The following SYK variants were observed in gnomAD, a reference collection of about 807,000 sequenced individuals.
The protein encoded by SYK is tyrosine-protein kinase SYK.
Under a neutral mutation model 77.8 loss-of-function variants are expected in SYK, and 16 were observed. The observed-to-expected ratio is 0.21, with a 90% confidence interval of 0.14 to 0.31. SYK has a LOEUF of 0.31. SYK is among the 10% of genes least tolerant of loss of function. The probability of loss-of-function intolerance (pLI) is 1.00; values close to 1 mark genes in which losing one functional copy is unlikely to be tolerated. For synonymous variants in SYK, 312 were observed against 308.7 expected (o/e 1.01, Z -0.11); for missense variants, 529 against 814.4 (o/e 0.65, Z 4.26).
At chr9:90,848,811 T>C (rs116116614) in intron 3 of SYK, among the ~76,000 whole-genome samples, 2,551 of 152,286 alleles carry the variant, frequency 0.017, 70 homozygotes, top group African/African-American at 0.058. Flanking sequence ...CGCTGAACAA[T>C]AGGAAAGAAC....
At chr9:90,822,444 T>A (rs891219915) in intron 1 of SYK, among the ~76,000 whole-genome samples, 1 of 152,228 alleles carries the variant, frequency 6.6e-6, no homozygotes, top group Non-Finnish European at 1.5e-5. Flanking sequence ...TTAAACTTAG[T>A]AGCAAGCCCA....
intron 3 of SYK, among the ~76,000 whole-genome samples, chr9:90,860,818 T>C (rs1259639614): frequency 6.6e-6 from 1 of 152,150 alleles, no homozygotes; most frequent in Non-Finnish European, 1.5e-5. Context: ...CTGAAGGCCA[T>C]CTCAACTCTC....
chr9:90,835,915 T>C (rs1453779389), intron 1 of SYK, among the ~76,000 whole-genome samples: 1 of 152,250 alleles, frequency 6.6e-6, no homozygotes, highest in African/African-American at 2.4e-5. Flanking sequence ...GGATTTTTTT[T>C]CAACAAAAAT....
chr9:90,830,914 A>G (rs921216842), intron 1 of SYK, among the ~76,000 whole-genome samples: 4 of 152,094 alleles, frequency 2.6e-5, no homozygotes, highest in African/African-American at 9.7e-5. Context: ...TAACCCACAG[A>G]TGAAGTTTCC....
Position 90,877,601 on chromosome 9 carries a change from G to A in SYK, c.1212G>A (p.Leu404=). The change falls in exon 10 of 14, where the codon CTG becomes CTA. Residue 404 remains leucine, a synonymous_variant. Transcript: ENST00000375754. ...TGAAAACCGTGGCTGTGAAAATACT[G>A]AAAAACGAGGCCAATGACCCCGCTC... ...KVVKTVAVKI[L]KNEANDPALK... is the part of the protein sequence containing the mutation. 3 of 1,614,182 alleles carry A rather than the reference G, an allele frequency of 1.9e-6. No homozygotes were observed. The highest frequency in any genetic ancestry group is 2.5e-6 in the Non-Finnish European group (3 of 1,180,018).
At chr9:90,809,951 A>G (rs185922399) in intron 1 of SYK, among the ~76,000 whole-genome samples, 4 of 152,244 alleles carry the variant, frequency 2.6e-5, no homozygotes, top group Admixed American at 6.5e-5. Flanking sequence ...GATTTGGTCA[A>G]GGAAAGGCAG....
chr9:90,895,497 G>GATAA lies in SYK; in HGVS notation c.1836-30_1836-29insTAAA, dbSNP rs769231843. ...ATCAGCAATTTTTCACAAGCACATT[G>GATAA]ACAAACAAGAATGCATCTCTTCCAT... On this transcript the variant is annotated intron_variant, in intron 13 of 13. Coordinates refer to ENST00000375754, the MANE Select transcript of SYK (RefSeq NM_003177.7). This position sits in a 1 kb window ranked among gnomAD's most constrained non-coding sequence, Gnocchi z 4.4. The GATAA allele has an allele frequency of 7.4e-6, 12 of 1,612,728 alleles. No homozygotes were observed. In the East Asian group the frequency reaches 2.0e-4, roughly 27 times the overall value.
intron 3 of SYK, among the ~76,000 whole-genome samples, chr9:90,860,378 A>T (rs991000482): frequency 6.6e-6 from 1 of 152,236 alleles, no homozygotes; most frequent in Non-Finnish European, 1.5e-5. Context: ...TTTATAAGAT[A>T]CTTTCCCTAT....
chr9:90,802,916 G>A (rs1294027633), intron 1 of SYK, among the ~76,000 whole-genome samples: 4 of 151,288 alleles, frequency 2.6e-5, no homozygotes, highest in Non-Finnish European at 4.4e-5. Context: ...GGAAGAAATG[G>A]AATTGATTCT....
At chr9:90,875,539 C>G (rs1391202924) in intron 9 of SYK, among the ~76,000 whole-genome samples, 1 of 152,124 alleles carries the variant, frequency 6.6e-6, no homozygotes, top group Admixed American at 6.5e-5. Context: ...TTTGTACACA[C>G]AGATATTATT....
intron 3 of SYK, among the ~76,000 whole-genome samples, chr9:90,860,622 A>G (rs1215375461): frequency 1.3e-5 from 2 of 152,106 alleles, no homozygotes; most frequent in Non-Finnish European, 2.9e-5. Flanking sequence ...GAACCTAGAT[A>G]TGTGTCCTGT....
intron 1 of SYK, among the ~76,000 whole-genome samples, chr9:90,834,411 C>G (rs757258517): frequency 9.9e-5 from 15 of 152,180 alleles, no homozygotes; most frequent in Non-Finnish European, 2.1e-4. Flanking sequence ...TCCCCTTTCA[C>G]CAGTGAAGAA....
At chr9:90,870,106 CA>C (rs1032945199) in intron 7 of SYK, among the ~76,000 whole-genome samples, 2 of 150,794 alleles carry the variant, frequency 1.3e-5, no homozygotes, top group Non-Finnish European at 1.5e-5. Flanking sequence ...GTCTCAAAAA[CA>C]AAAAAAGAAA....
intron 7 of SYK, among the ~76,000 whole-genome samples, chr9:90,868,904 A>G (rs537284876): frequency 1.3e-5 from 2 of 152,362 alleles, no homozygotes; most frequent in East Asian, 1.9e-4. Context: ...TTAAATGCCT[A>G]TCAATGGAAA....
intron 3 of SYK, among the ~76,000 whole-genome samples, chr9:90,855,011 T>C (rs10993720): frequency 0.021 from 2,976 of 143,394 alleles, 97 homozygotes; most frequent in African/African-American, 0.065. Context: ...CACACATACA[T>C]ACACACACAC....
chr9:90,893,403 G>GT (rs1037761949), intron 13 of SYK, among the ~76,000 whole-genome samples: 1 of 152,014 alleles, frequency 6.6e-6, no homozygotes, highest in Admixed American at 6.6e-5. Flanking sequence ...GTTTTGCTTT[G>GT]TTTTTTCATT....
chr9:90,820,261 C>G (rs529973441), intron 1 of SYK, among the ~76,000 whole-genome samples: 78 of 152,298 alleles, frequency 5.1e-4, no homozygotes, highest in African/African-American at 1.7e-3. Flanking sequence ...GATGGTGACC[C>G]TCTACTCACG....
Position 90,895,592 on chromosome 9 carries a change from G to T in SYK, c.1900G>T (p.Val634Leu), listed in dbSNP as rs1217642138. 1 of 1,614,094 alleles carries T rather than the reference G, an allele frequency of 6.2e-7. No individual in the cohort carries two copies. The highest frequency in any genetic ancestry group is 1.6e-4 in the Middle Eastern group (1 of 6,062). The change falls in exon 14 of 14, where the codon GTG becomes TTG. Residue 634 changes from valine (V) to leucine (L), a missense_variant. Around this residue, in one of 2 missense-constraint regions of SYK, gnomAD observed 208 missense variants for 381.3 expected, o/e 0.55. Transcript: ENST00000375754. This position sits in a 1 kb window ranked among gnomAD's most constrained non-coding sequence, Gnocchi z 4.4. ...GCTGCGCAATTACTACTATGACGTGGTGAACTAACCGCTCCCGCACCTGTC... is the reference window on the plus strand; with the variant it reads ...GCTGCGCAATTACTACTATGACGTGTTGAACTAACCGCTCCCGCACCTGTC... ...LRLRNYYYDVVN is the reference protein window; with the variant it reads ...LRLRNYYYDVLN
chr9:90,829,402 G>A (rs891438497), intron 1 of SYK, among the ~76,000 whole-genome samples: 2 of 152,204 alleles, frequency 1.3e-5, no homozygotes, highest in East Asian at 3.8e-4. Context: ...AAGGGAGCCT[G>A]AGGGTGGGGT....
Sources: gnomAD v4.1 joint callset for allele counts (sites outside exome capture counted in the v4.1 genomes callset) on GRCh38, gnomAD v4.1.1 for gene constraint, gnomAD v4.1.1 regional missense constraint, Gnocchi (gnomAD v3.1) non-coding constraint, MANE v1.5 for transcripts, NCBI Gene and HGNC (gene_info 2026-07-23, HGNC 2026-07-21) for gene names.